Variants in CD28 observed in about 807,000 individuals in gnomAD.
CD28 encodes T-cell-specific surface glycoprotein CD28.
In CD28, 8 loss-of-function variants were observed where a neutral mutation model predicts 21.4. The observed-to-expected ratio is 0.37, with a 90% CI of 0.22 to 0.68. The LOEUF is 0.68. Ranked by LOEUF, CD28 falls within the 30% of genes least tolerant of loss-of-function variation. The probability of loss-of-function intolerance (pLI) is 0.55; values close to 1 mark genes in which losing one functional copy is unlikely to be tolerated. For missense variants in CD28, 239 were observed against 272.2 expected (o/e 0.88, Z 0.86); for synonymous variants, 106 against 104.0 (o/e 1.02, Z -0.12).
chr2:203,729,523 A>C, intron 2 of CD28, 125 bp from the exon 3 acceptor site: 1 of 992,362 alleles, frequency 1.0e-6, no homozygotes, highest in Non-Finnish European at 1.5e-6. Flanking sequence ...AAATCTATTC[A>C]CTCTAAGCTG....
intron 1 of CD28, among the ~76,000 whole-genome samples, chr2:203,725,495 A>C: frequency 6.6e-6 from 1 of 152,052 alleles, no homozygotes; most frequent in East Asian, 1.9e-4. Flanking sequence ...AAAAGAAAAA[A>C]AAAAAGAAAT....
intron 1 of CD28, among the ~76,000 whole-genome samples, chr2:203,711,411 C>G (rs1693307962): frequency 6.6e-6 from 1 of 152,180 alleles, no homozygotes; most frequent in Non-Finnish European, 1.5e-5. Context: ...TTTATTTAGT[C>G]TCGTGTCACC....
intron 1 of CD28, among the ~76,000 whole-genome samples, chr2:203,723,201 G>A (rs1693650654): frequency 6.6e-6 from 1 of 152,180 alleles, no homozygotes; most frequent in Non-Finnish European, 1.5e-5. Flanking sequence ...TCCACAGAAT[G>A]AGAGAAAACA....
At chr2:203,720,640 A>G (rs947882455) in intron 1 of CD28, among the ~76,000 whole-genome samples, 9 of 152,220 alleles carry the variant, frequency 5.9e-5, no homozygotes, top group East Asian at 1.9e-4. Context: ...ATGTCCTTAC[A>G]TTATTTGAAG....
chr2:203,729,335 C>T (rs3181109), intron 2 of CD28, among the ~76,000 whole-genome samples: 72 of 152,178 alleles, frequency 4.7e-4, no homozygotes, highest in Admixed American at 1.6e-3. Flanking sequence ...ATGGGAGAAA[C>T]GGATAAAGTT....
At chr2:203,727,721 C>T (rs1693791163) in intron 2 of CD28, among the ~76,000 whole-genome samples, 1 of 151,712 alleles carries the variant, frequency 6.6e-6, no homozygotes, top group African/African-American at 2.4e-5. Context: ...GCTCTGTCGC[C>T]CAGGCTGGAA....
chr2:203,725,488 A>AG (rs144816797), intron 1 of CD28, among the ~76,000 whole-genome samples: 11 of 145,660 alleles, frequency 7.6e-5, no homozygotes, highest in Non-Finnish European at 1.3e-4. Flanking sequence ...TCATTAGAAA[A>AG]GAAAAAAAAA....
At chr2:203,706,518 G>A (rs1218318965), upstream of CD28, 8 of 1,546,572 alleles carry the variant, frequency 5.2e-6, no homozygotes, top group Admixed American at 1.2e-4. Context: ...AAATGCTGCA[G>A]TCAGGATGCC....
chr2:203,710,597 G>A (rs1038407443), intron 1 of CD28, among the ~76,000 whole-genome samples: 66 of 152,130 alleles, frequency 4.3e-4, no homozygotes, highest in African/African-American at 1.6e-3. Context: ...ATTACCATTT[G>A]GCTTTTATCT....
At chr2:203,726,502 T>C in intron 1 of CD28, 131 bp from the exon 2 acceptor site, 1 of 656,376 alleles carries the variant, frequency 1.5e-6, no homozygotes, top group Non-Finnish European at 2.7e-6. Context: ...CCTGAAGAGG[T>C]CCTACATCTT....
chr2:203,713,851 G>GA (rs1693384048), intron 1 of CD28, among the ~76,000 whole-genome samples: 5 of 70,244 alleles, frequency 7.1e-5, no homozygotes, highest in Non-Finnish European at 1.3e-4. Flanking sequence ...GAGAGAGAGA[G>GA]GGAGAGAGAG....
intron 2 of CD28, 150 bp from the exon 3 acceptor site, chr2:203,729,498 T>A: frequency 1.3e-6 from 1 of 773,726 alleles, no homozygotes; most frequent in Non-Finnish European, 2.0e-6. Flanking sequence ...TGGGGTTGGG[T>A]AAGTCTCAAA....
At position 203,706,750 on chromosome 2, in the gene CD28, TAAACAA is replaced by T. The variant is rs1200646204; in HGVS notation, c.52+3_52+8del. 6.3e-7 allele frequency: 1 copy of T among 1,594,906 alleles called. No individual in the cohort carries two copies. ...TATTCCCTTCAATTCAAGTAACAGG[TAAACAA>T]TGTTAATGTCTTTCTTTCTGTAAAT... On this transcript the variant is annotated splice_donor_5th_base_variant and intron_variant, in intron 1 of 3. Transcript: ENST00000324106.
chr2:203,734,894 C>T lies in CD28; in HGVS notation c.645C>T (p.Phe215=), dbSNP rs1252409287. 14 of 1,614,182 alleles carry T rather than the reference C, an allele frequency of 8.7e-6. No homozygotes were observed. The highest frequency in any genetic ancestry group is 1.6e-4 in the Middle Eastern group (1 of 6,062). The stretch of plus-strand genomic sequence containing the variant: ...AGCCCTATGCCCCACCACGCGACTT[C>T]GCAGCCTATCGCTCCTGACACGGAC... ...HYQPYAPPRD[F]AAYRS Residue 215 remains phenylalanine, a synonymous_variant, in exon 4 of 4, where the codon TTC becomes TTT. Transcript: ENST00000324106.
chr2:203,716,907 T>G (rs182300860), intron 1 of CD28, among the ~76,000 whole-genome samples: 74 of 152,298 alleles, frequency 4.9e-4, no homozygotes, highest in African/African-American at 1.8e-3. Flanking sequence ...CACCACTCAC[T>G]GCAGCCTTGA....
At chr2:203,722,812 T>C (rs2106116877) in intron 1 of CD28, among the ~76,000 whole-genome samples, 1 of 152,178 alleles carries the variant, frequency 6.6e-6, no homozygotes, top group East Asian at 1.9e-4. Context: ...GGCATGGAGG[T>C]AGGAATGCTC....
intron 1 of CD28, among the ~76,000 whole-genome samples, chr2:203,708,876 G>A (rs772993178): frequency 2.0e-5 from 3 of 152,154 alleles, no homozygotes; most frequent in African/African-American, 4.8e-5. Flanking sequence ...GCCTGTAATC[G>A]TGGGACGCTG....
rs201226870 is a variant in CD28, at chr2:203,737,874, G to A, written c.*2962G>A. 133 of 152,556 alleles carry A rather than the reference G, an allele frequency of 8.7e-4. 1 individual carries two copies. The highest frequency in any genetic ancestry group is 2.6e-3 in the African/African-American group (110 of 41,534). The allele number at this position is 152,556 out of a possible 1,614,324, so 9.5% of individuals were successfully genotyped here. On this transcript the variant is annotated 3_prime_UTR_variant, in exon 4 of 4. Coordinates refer to ENST00000324106, the MANE Select transcript of CD28 (RefSeq NM_006139.4). ...ATTTGTACTTTAATATTGTCTTTTG[G>A]TATTAAGAAAGATATGCTTTCAGAA...
chr2:203,707,791 C>A (rs903238009), intron 1 of CD28, among the ~76,000 whole-genome samples: 6 of 152,096 alleles, frequency 3.9e-5, no homozygotes, highest in Non-Finnish European at 8.8e-5. Context: ...ACTCCAGTGC[C>A]GGTGTTGTTG....
Sources: allele counts gnomAD v4.1 joint callset (sites outside exome capture counted in the v4.1 genomes callset), GRCh38; gene constraint gnomAD v4.1.1; transcripts MANE v1.5; gene names NCBI Gene and HGNC (gene_info 2026-07-23, HGNC 2026-07-21).